CD226: variants seen among roughly 807,000 people sequenced by gnomAD.
CD226 encodes the protein CD226 antigen.
In CD226, 24 loss-of-function variants were observed where a neutral mutation model predicts 34.9. The observed-to-expected ratio is 0.69, with a 90% CI of 0.50 to 0.97. The LOEUF is 0.97. CD226 is among the 50% of genes least tolerant of loss of function. CD226 has a pLI of 0.00. For synonymous variants in CD226, 148 were observed against 147.4 expected, an observed-to-expected ratio of 1.00 and a Z score of -0.03; for missense variants, 397 against 412.7, an observed-to-expected ratio of 0.96 and a Z score of 0.33.
At chr18:69,907,720 G>A (rs996581603) in intron 2 of CD226, among the ~76,000 whole-genome samples, 6 of 152,100 alleles carry the variant, frequency 3.9e-5, no homozygotes, top group Admixed American at 1.3e-4. Flanking sequence ...AGGGGATAAC[G>A]GTTAAGAGGG....
rs2145166477 is a variant in CD226, at chr18:69,861,999, A to G, written c.*2315T>C. On this transcript the variant is annotated 3_prime_UTR_variant, in exon 6 of 6. Coordinates refer to ENST00000582621, the MANE Select transcript of CD226 (RefSeq NM_001303618.2). ...ATATATAGAGAAGAAAGGACAGAGT[A>G]AATAGTTCTCATCAATATTTTGAAT... 6.6e-6 allele frequency: 1 copy of G among 152,292 alleles called. No individual in the cohort carries two copies. The highest frequency in any genetic ancestry group is 1.9e-4 in the East Asian group (1 of 5,186). The allele number at this position is 152,292 out of a possible 1,614,324, so 9.4% of individuals were successfully genotyped here. A position where few individuals can be genotyped will look rare whatever the true frequency, so the allele number is the denominator to read the frequency against.
intron 2 of CD226, among the ~76,000 whole-genome samples, chr18:69,908,909 C>G (rs1598998740): frequency 6.6e-6 from 1 of 152,224 alleles, no homozygotes; most frequent in African/African-American, 2.4e-5. Flanking sequence ...CCACTTCATT[C>G]CAAGAACACT....
At chr18:69,879,454 G>A (rs113568918) in intron 3 of CD226, among the ~76,000 whole-genome samples, 4,717 of 152,106 alleles carry the variant, frequency 0.031, 118 homozygotes, top group South Asian at 0.046. Flanking sequence ...GGAATTCAGC[G>A]ATATTTCTCT....
At chr18:69,880,000 C>G (rs538523633) in intron 3 of CD226, among the ~76,000 whole-genome samples, 1 of 152,312 alleles carries the variant, frequency 6.6e-6, no homozygotes, top group Non-Finnish European at 1.5e-5. Flanking sequence ...GTCACCATAT[C>G]GATCTGTGAA....
chr18:69,922,800 C>T (rs562420566), intron 2 of CD226, among the ~76,000 whole-genome samples: 8 of 152,274 alleles, frequency 5.3e-5, no homozygotes, highest in African/African-American at 1.9e-4. Flanking sequence ...GTAGTGAGAG[C>T]TGATAAACAC....
intron 2 of CD226, among the ~76,000 whole-genome samples, chr18:69,903,552 G>A (rs1382950266): frequency 6.6e-6 from 1 of 152,098 alleles, no homozygotes; most frequent in African/African-American, 2.4e-5. Context: ...TTTGGAAATA[G>A]GGCTGTTGCA....
At chr18:69,932,576 T>C (rs1286756162) in intron 2 of CD226, among the ~76,000 whole-genome samples, 1 of 152,228 alleles carries the variant, frequency 6.6e-6, no homozygotes, top group Admixed American at 6.5e-5. Flanking sequence ...TCAGGCTTTA[T>C]GATCCATCCT....
At chr18:69,923,237 A>G (rs914680645) in intron 2 of CD226, among the ~76,000 whole-genome samples, 5 of 151,280 alleles carry the variant, frequency 3.3e-5, no homozygotes, top group South Asian at 2.1e-4. Context: ...GAGAGAAAGA[A>G]AGAGAGAGAG....
At chr18:69,930,303 T>C (rs1464185583) in intron 2 of CD226, among the ~76,000 whole-genome samples, 1 of 152,208 alleles carries the variant, frequency 6.6e-6, no homozygotes, top group Non-Finnish European at 1.5e-5. Flanking sequence ...AAACAAAGCA[T>C]AAAAGATGAC....
At position 69,857,667 on chromosome 18, in the gene CD226, G is replaced by A. The variant is rs1982650551; in HGVS notation, c.*6647C>T. ...TTTTATTTTTATGTCTTACAAATAT[G>A]GCTGGGCAATACAACACAAGGCTTC... is the stretch of plus-strand genomic sequence containing the variant. On this transcript the variant is annotated 3_prime_UTR_variant, in exon 6 of 6. Transcript: ENST00000582621. 2 of 152,168 alleles carry A rather than the reference G, an allele frequency of 1.3e-5. No homozygotes were observed. Among genetic ancestry groups the A allele is most frequent in the Admixed American group, 1.3e-4 (2 of 15,284 alleles). The allele number at this position is 152,168 out of a possible 1,614,324, so 9.4% of individuals were successfully genotyped here. A position where few individuals can be genotyped will look rare whatever the true frequency, so the allele number is the denominator to read the frequency against.
At chr18:69,952,008 A>G (rs1032878813), upstream of CD226, among the ~76,000 whole-genome samples, 1 of 152,210 alleles carries the variant, frequency 6.6e-6, no homozygotes, top group Admixed American at 6.5e-5. Flanking sequence ...ACAATAACCA[A>G]GATATGGAAT....
At chr18:69,888,444 G>C (rs1195581938) in intron 3 of CD226, among the ~76,000 whole-genome samples, 1 of 142,302 alleles carries the variant, frequency 7.0e-6, no homozygotes, top group African/African-American at 2.7e-5. Context: ...TTGGAGACAG[G>C]TTCTGGCTCT....
intron 2 of CD226, among the ~76,000 whole-genome samples, chr18:69,904,304 G>A (rs2055223997): frequency 6.6e-6 from 1 of 152,214 alleles, no homozygotes; most frequent in Admixed American, 6.5e-5. Flanking sequence ...ATGATTTGCA[G>A]TATGTCCAAA....
At chr18:69,943,549 C>CT (rs1157050765) in intron 2 of CD226, among the ~76,000 whole-genome samples, 2 of 152,158 alleles carry the variant, frequency 1.3e-5, no homozygotes, top group African/African-American at 4.8e-5. Flanking sequence ...ATAAGATGTC[C>CT]TGTTTGCTCT....
chr18:69,957,355 T>TC (rs1218241280), upstream of CD226, among the ~76,000 whole-genome samples: 1 of 151,868 alleles, frequency 6.6e-6, no homozygotes, highest in East Asian at 1.9e-4. Context: ...ATACTCTTTT[T>TC]TTTTTCTTTG....
rs1029990657 is a variant in CD226 at position 69,853,388 on chromosome 18, T to C, written c.*10926A>G. 1.3e-5 allele frequency: 2 copies of C among 152,214 alleles called. No homozygotes were observed. The highest frequency in any genetic ancestry group is 4.8e-5 in the African/African-American group (2 of 41,460). The allele number at this position is 152,214 out of a possible 1,614,324, so 9.4% of individuals were successfully genotyped here. A position where few individuals can be genotyped will look rare whatever the true frequency, so the allele number is the denominator to read the frequency against. Reference sequence around the variant, plus strand: ...GGACGTATAGACCTTCTGCCCTCTGTTGTGTTCATCTTCCTTCCTATTGTG... The same window carrying C: ...GGACGTATAGACCTTCTGCCCTCTGCTGTGTTCATCTTCCTTCCTATTGTG... On this transcript the variant is annotated 3_prime_UTR_variant, in exon 6 of 6. Transcript: ENST00000582621.
intron 3 of CD226, among the ~76,000 whole-genome samples, chr18:69,891,016 AC>A (rs1360389709): frequency 8.8e-6 from 1 of 113,844 alleles, no homozygotes; most frequent in Non-Finnish European, 1.8e-5. Context: ...CAAAGACACC[AC>A]AAAAAAAAAA....
intron 3 of CD226, among the ~76,000 whole-genome samples, chr18:69,891,018 A>C (rs539073940): frequency 0.028 from 952 of 34,032 alleles, 4 homozygotes; most frequent in Non-Finnish European, 0.036. Context: ...AAGACACCAC[A>C]AAAAAAAAAA....
At chr18:69,958,306 G>A (rs1314213145), upstream of CD226, among the ~76,000 whole-genome samples, 6 of 152,176 alleles carry the variant, frequency 3.9e-5, no homozygotes, top group Admixed American at 1.3e-4. Context: ...GTCAGCACTT[G>A]TAGAATAGGA....
Sources: allele counts gnomAD v4.1 joint callset (sites outside exome capture counted in the v4.1 genomes callset), GRCh38; gene constraint gnomAD v4.1.1; transcripts MANE v1.5; gene names NCBI Gene and HGNC (gene_info 2026-07-23, HGNC 2026-07-21).